NDUFS8: variants seen among roughly 807,000 people sequenced by gnomAD.
The protein encoded by NDUFS8 is NADH:ubiquinone oxidoreductase core subunit S8.
In NDUFS8, 13 loss-of-function variants were observed where a neutral mutation model predicts 25.6. The observed-to-expected ratio is 0.51, with a 90% CI of 0.33 to 0.81. The LOEUF is 0.81. Ranked by LOEUF, NDUFS8 falls within the 30% of genes least tolerant of loss-of-function variation. NDUFS8 has a pLI of 0.02. For missense variants in NDUFS8, 257 were observed against 300.9 expected (o/e 0.85, Z 1.08); for synonymous variants, 119 against 119.4 (o/e 1.00, Z 0.02).
chr11:68,033,562 C>CT, intron 5 of NDUFS8: 1 of 534,630 alleles, frequency 1.9e-6, no homozygotes, highest in South Asian at 2.0e-5. Flanking sequence ...CCCTGGGCCT[C>CT]TGAGCCATGG....
At position 68,036,636 on chromosome 11, in the gene NDUFS8, C is replaced by G. The variant is rs1259188480; in HGVS notation, c.*43C>G. 1.2e-6 allele frequency: 2 copies of G among 1,611,578 alleles called. No individual in the cohort carries two copies. The highest frequency in any genetic ancestry group is 3.3e-5 in the Admixed American group (2 of 60,010). ...GCCCCTGCTGCCCAATAAAACCACTCCGACCCCACGGCCTCTTGTCTTGAC... is the reference window on the plus strand; with the variant it reads ...GCCCCTGCTGCCCAATAAAACCACTGCGACCCCACGGCCTCTTGTCTTGAC... On this transcript the variant is annotated 3_prime_UTR_variant, in exon 7 of 7. Transcript: ENST00000313468.
intron 5 of NDUFS8, chr11:68,034,259 TCCCCCA>T (rs1854836258): frequency 6.6e-6 from 1 of 152,170 alleles, no homozygotes; most frequent in South Asian, 2.1e-4. Context: ...AGCCAGCCCC[TCCCCCA>T]GCGGGCTACC....
Position 68,032,937 on chromosome 11 carries a change from C to T in NDUFS8, c.124C>T (p.Gln42Ter). Residue 42 changes from glutamine (Q) to a stop codon, truncating the protein, a stop_gained, in exon 4 of 7, where the codon CAG (glutamine) becomes TAG (stop). Coordinates refer to ENST00000313468, the MANE Select transcript of NDUFS8 (RefSeq NM_002496.4). LOFTEE classifies it high-confidence loss of function. ...CCTCTCTGCAGAGTATGTGAACATG[C>T]AGGATCCCGAGATGGACATGAAGTC... ...VAATYKYVNM[Q>*]DPEMDMKSVT... The T allele has an allele frequency of 1.2e-6, 2 of 1,613,894 alleles. No individual in the cohort carries two copies. The highest frequency in any genetic ancestry group is 1.7e-6 in the Non-Finnish European group (2 of 1,179,990).
chr11:68,034,702 T>C (rs1490851613), intron 5 of NDUFS8: 1 of 148,318 alleles, frequency 6.7e-6, no homozygotes, highest in Non-Finnish European at 1.5e-5. Flanking sequence ...TAATCTCAGC[T>C]ACTTGCTAGG....
In NDUFS8 at chr11:68,036,296, G is replaced by A. The variant is rs770965378; in HGVS notation, c.416G>A (p.Arg139Gln). ...EAEPRADGSR[R>Q]TTRYDIDMTK... ...GAGCCAAGAGCTGATGGCAGCCGCC[G>A]GACCACCCGCTATGACATCGACATG... Residue 139 changes from arginine to glutamine, a missense_variant, in exon 6 of 7, where the codon CGG becomes CAG. By Grantham distance (43) the Arg-to-Gln change is conservative (BLOSUM62 1). Coordinates refer to ENST00000313468, the MANE Select transcript of NDUFS8 (RefSeq NM_002496.4). The A allele has an allele frequency of 1.7e-5, 27 of 1,613,014 alleles. No homozygotes were observed. The highest frequency in any genetic ancestry group is 1.1e-4 in the South Asian group (10 of 91,052).
chr11:68,031,779 C>A, intron 1 of NDUFS8: 1 of 374,166 alleles, frequency 2.7e-6, no homozygotes, highest in Non-Finnish European at 5.1e-6. Context: ...TAACAAAGTT[C>A]GCTCTCAGTG....
Position 68,033,000 on chromosome 11 carries a change from G to C in NDUFS8, c.187G>C (p.Glu63Gln), listed in dbSNP as rs397514618. 1.2e-6 allele frequency: 2 copies of C among 1,613,686 alleles called. No homozygotes were observed. Among genetic ancestry groups the C allele is most frequent in the African/African-American group, 2.7e-5 (2 of 74,920 alleles). Residue 63 changes from glutamate (E) to glutamine (Q), a missense_variant, in exon 4 of 7, where the codon GAG becomes CAG. Physicochemically the swap from Glu to Gln is conservative, Grantham distance 29. Coordinates refer to ENST00000313468, the MANE Select transcript of NDUFS8 (RefSeq NM_002496.4). ...DRAARTLLWT[E>Q]LFRGLGMTLS... is the part of the protein sequence containing the mutation. ...GGCAGCCCGCACCCTGCTGTGGACT[G>C]AGCTCTTCCGAGGTGCGTCCTGGGC...
chr11:68,032,565 A>G (rs889523221), intron 3 of NDUFS8: 2 of 1,449,016 alleles, frequency 1.4e-6, no homozygotes, highest in African/African-American at 2.8e-5. Flanking sequence ...TGTGATGGGG[A>G]GGGGGTTGCC....
chr11:68,036,201 G>T (rs1590791804), intron 5 of NDUFS8, 52 bp from the exon 6 acceptor site: 2 of 1,609,540 alleles, frequency 1.2e-6, no homozygotes, highest in South Asian at 2.2e-5. Flanking sequence ...GGGGCCCTGG[G>T]GGCTGGGATG....
chr11:68,031,738 C>T (rs1854770795), intron 1 of NDUFS8: 1 of 343,990 alleles, frequency 2.9e-6, no homozygotes. Flanking sequence ...GCGCTTTCCA[C>T]CCCTGGGCAC....
intron 1 of NDUFS8, chr11:68,031,434 C>T: frequency 6.3e-6 from 1 of 159,360 alleles, no homozygotes; most frequent in South Asian, 1.6e-4. Context: ...GCAACTTCTG[C>T]CTCCTGGGTT....
At position 68,033,012 on chromosome 11, in the gene NDUFS8, GGTGCGTC is replaced by G; in HGVS notation, c.199+1_199+7del. ...CCTGCTGTGGACTGAGCTCTTCCGA[GGTGCGTC>G]CTGGGCATGAGGGGACAGGGAAGGT... On this transcript the variant is annotated splice_donor_variant and splice_donor_5th_base_variant and intron_variant, in intron 4 of 6. Coordinates refer to ENST00000313468, the MANE Select transcript of NDUFS8 (RefSeq NM_002496.4). LOFTEE classifies it high-confidence loss of function. 1 of 1,613,764 alleles carries G rather than the reference GGTGCGTC, an allele frequency of 6.2e-7. No individual in the cohort carries two copies. The highest frequency in any genetic ancestry group is 8.5e-7 in the Non-Finnish European group (1 of 1,179,990).
chr11:68,035,455 C>T (rs1438896582), intron 5 of NDUFS8, among the ~76,000 whole-genome samples: 1 of 152,156 alleles, frequency 6.6e-6, no homozygotes, highest in Non-Finnish European at 1.5e-5. Context: ...ACAACAAAAA[C>T]TTTATTCCTA....
At chr11:68,030,876 A>T in intron 1 of NDUFS8, 143 bp downstream of exon 1, 1 of 397,230 alleles carries the variant, frequency 2.5e-6, no homozygotes, top group Non-Finnish European at 5.1e-6. Context: ...CGTGTCCTTC[A>T]GGTGCAGCGG....
At chr11:68,036,124 G>A in intron 5 of NDUFS8, 129 bp from the exon 6 acceptor site, 2 of 1,488,086 alleles carry the variant, frequency 1.3e-6, no homozygotes, top group Non-Finnish European at 1.8e-6. Context: ...CTCTTAGCCG[G>A]AGTCCAGGAG....
In NDUFS8 at chr11:68,033,253, C is replaced by T. The variant is rs762919725; in HGVS notation, c.342C>T (p.Cys114=). The T allele has an allele frequency of 1.2e-6, 2 of 1,609,630 alleles. No individual in the cohort carries two copies. Among genetic ancestry groups the T allele is most frequent in the Non-Finnish European group, 8.5e-7 (1 of 1,179,044 alleles). Residue 114 remains cysteine (C), a synonymous_variant, in exon 5 of 7, where the codon TGC becomes TGT. Coordinates refer to ENST00000313468, the MANE Select transcript of NDUFS8 (RefSeq NM_002496.4). ...CCGGGGAGGAGCGTTGCATTGCCTG[C>T]AAGCTCTGCGAGGCCATCTGCCCCG... ...YPSGEERCIA[C]KLCEAICPAQ... is the part of the protein sequence containing the mutation.
At chr11:68,036,424 G>A (rs200733000) in intron 6 of NDUFS8, 38 bp from the exon 7 acceptor site, 11 of 1,613,870 alleles carry the variant, frequency 6.8e-6, no homozygotes, top group African/African-American at 1.3e-5. Context: ...AGGCTCCTCA[G>A]CAGGGCCTAA....
chr11:68,032,057 CAT>C lies in NDUFS8; in HGVS notation c.1-94_1-93del, dbSNP rs1854775576. 12 of 1,576,036 alleles carry C rather than the reference CAT, an allele frequency of 7.6e-6. No individual in the cohort carries two copies. In the Admixed American group the frequency reaches 1.3e-4, roughly 18 times the overall value. On this transcript the variant is annotated intron_variant, in intron 1 of 6. Coordinates refer to ENST00000313468, the MANE Select transcript of NDUFS8 (RefSeq NM_002496.4). ...GGTGCGAGTAGAGGGCAAAGTGACA[CAT>C]GTCAGTGGAGACTTGGGATCCTTGC...
chr11:68,032,029 TG>T (rs1854775261), intron 1 of NDUFS8, 122 bp from the exon 2 acceptor site: 3 of 1,392,810 alleles, frequency 2.2e-6, no homozygotes, highest in Non-Finnish European at 3.0e-6. Context: ...CTGACAGCAA[TG>T]GGGTGCGAGT....
Sources: allele counts gnomAD v4.1 joint callset (sites outside exome capture counted in the v4.1 genomes callset), GRCh38; gene constraint gnomAD v4.1.1; transcripts MANE v1.5; gene names NCBI Gene and HGNC (gene_info 2026-07-23, HGNC 2026-07-21).